CEPT1: variants seen among roughly 807,000 people sequenced by gnomAD.
The protein encoded by CEPT1 is choline/ethanolaminephosphotransferase 1.
Under a neutral mutation model 42.6 loss-of-function variants are expected in CEPT1, and 7 were observed. The observed-to-expected ratio is 0.16, with a 90% CI of 0.09 to 0.31. The LOEUF is 0.31. Among genes scored for constraint, CEPT1 ranks in the 10% least tolerant of loss-of-function variants. CEPT1 has a pLI of 1.00. For synonymous variants in CEPT1, 171 were observed against 171.9 expected, an observed-to-expected ratio of 0.99 and a Z score of 0.04; for missense variants, 306 against 502.1, an observed-to-expected ratio of 0.61 and a Z score of 3.73.
intron 4 of CEPT1, among the ~76,000 whole-genome samples, chr1:111,166,214 A>G (rs1291922205): frequency 6.6e-6 from 1 of 152,216 alleles, no homozygotes; most frequent in Non-Finnish European, 1.5e-5. Context: ...CCTAGATTGC[A>G]GTTTGGCCTC....
intron 2 of CEPT1, among the ~76,000 whole-genome samples, chr1:111,157,119 A>T (rs1366940747): frequency 6.6e-6 from 1 of 152,226 alleles, no homozygotes; most frequent in African/African-American, 2.4e-5. Context: ...AATGTGCACA[A>T]GGAAGAAGTA....
chr1:111,153,817 G>A (rs371053486), intron 2 of CEPT1, among the ~76,000 whole-genome samples: 1 of 152,038 alleles, frequency 6.6e-6, no homozygotes, highest in East Asian at 1.9e-4. Context: ...GGGTCTGTAT[G>A]TCTTTTTATA....
intron 2 of CEPT1, among the ~76,000 whole-genome samples, chr1:111,149,951 G>A (rs1306289250): frequency 1.3e-5 from 2 of 152,194 alleles, no homozygotes; most frequent in African/African-American, 4.8e-5. Context: ...AAGTGATTTG[G>A]AATGTATGAA....
At chr1:111,168,493 CTTT>C (rs1194436907) in intron 4 of CEPT1, among the ~76,000 whole-genome samples, 3 of 142,204 alleles carry the variant, frequency 2.1e-5, no homozygotes. Context: ...TTCTTTGGTT[CTTT>C]TTTTTTTTTT....
chr1:111,150,753 C>T (rs1046130856), intron 2 of CEPT1, among the ~76,000 whole-genome samples: 3 of 152,142 alleles, frequency 2.0e-5, no homozygotes, highest in African/African-American at 7.2e-5. Context: ...AAAAAGCAAT[C>T]CTCCTAGTAG....
chr1:111,167,590 A>C, intron 4 of CEPT1: 1 of 971,412 alleles, frequency 1.0e-6, no homozygotes, highest in Non-Finnish European at 1.2e-6. Context: ...ATTCTATATT[A>C]ATGTAGGAAA....
intron 1 of CEPT1, among the ~76,000 whole-genome samples, chr1:111,141,767 T>A (rs1557915856): frequency 1.3e-5 from 2 of 152,226 alleles, no homozygotes; most frequent in Admixed American, 6.5e-5. Flanking sequence ...GTATCACTTG[T>A]TAAATAATGC....
At chr1:111,152,426 A>C (rs1465892091) in intron 2 of CEPT1, among the ~76,000 whole-genome samples, 1 of 152,010 alleles carries the variant, frequency 6.6e-6, no homozygotes, top group Non-Finnish European at 1.5e-5. Flanking sequence ...CCTACCCCTC[A>C]CCCTAACCTC....
intron 2 of CEPT1, among the ~76,000 whole-genome samples, 188 bp downstream of exon 2, chr1:111,148,241 G>A (rs908391049): frequency 2.6e-5 from 4 of 152,122 alleles, no homozygotes; most frequent in Non-Finnish European, 1.5e-5. Flanking sequence ...AGAAGCAAAC[G>A]GTAGACTGTG....
chr1:111,147,295 T>G (rs1655019867), intron 1 of CEPT1, among the ~76,000 whole-genome samples: 1 of 152,240 alleles, frequency 6.6e-6, no homozygotes, highest in Non-Finnish European at 1.5e-5. Flanking sequence ...GACCTCAGTT[T>G]CCGTATATGT....
At chr1:111,148,761 C>A (rs528350310) in intron 2 of CEPT1, among the ~76,000 whole-genome samples, 10 of 152,186 alleles carry the variant, frequency 6.6e-5, no homozygotes, top group Non-Finnish European at 1.5e-4. Flanking sequence ...AGAATAGATA[C>A]ATTGATATTT....
chr1:111,145,283 C>T (rs970812319), intron 1 of CEPT1, among the ~76,000 whole-genome samples: 10 of 152,184 alleles, frequency 6.6e-5, no homozygotes, highest in Non-Finnish European at 1.0e-4. Flanking sequence ...CCCAAAGTGG[C>T]GTGAGCCACC....
At position 111,161,168 on chromosome 1, in the gene CEPT1, T is replaced by C; in HGVS notation, c.501T>C (p.Leu167=). Residue 167 remains leucine, a synonymous_variant, in exon 4 of 9, where the codon CTT becomes CTC. Coordinates refer to ENST00000357172, the MANE Select transcript of CEPT1 (RefSeq NM_006090.5). ...CDSLSTVFVV[L]GTCIAVQLGT... The stretch of plus-strand genomic sequence containing the variant: ...TTTCTTCTGCAGTTTTTGTGGTTCT[T>C]GGAACTTGTATTGCAGTGCAGCTGG... 6.2e-7 allele frequency: 1 copy of C among 1,614,118 alleles called. No individual in the cohort carries two copies. Among genetic ancestry groups the C allele is most frequent in the Non-Finnish European group, 8.5e-7 (1 of 1,179,968 alleles).
Position 111,147,813 on chromosome 1 carries a change from TA to T in CEPT1, c.102del (p.Lys34AsnfsTer15). The T allele has an allele frequency of 6.2e-7, 1 of 1,614,102 alleles. No homozygotes were observed. The highest frequency in any genetic ancestry group is 8.5e-7 in the Non-Finnish European group (1 of 1,180,012). On this transcript the variant is annotated frameshift_variant, in exon 2 of 9. Transcript: ENST00000357172. LOFTEE classifies it high-confidence loss of function. ...TGAGTACTACAGGATGTGTATTAAA[TA>T]AATTGTTTCAGTTACCAACACCACC... is the stretch of plus-strand genomic sequence containing the variant. The part of the protein sequence containing the change: ...HMSTTGCVLN[K>X]LFQLPTPPLS...
chr1:111,179,575 G>C (rs1460695433), intron 5 of CEPT1: 1 of 152,180 alleles, frequency 6.6e-6, no homozygotes, highest in African/African-American at 2.4e-5. Flanking sequence ...TAAGCGTGGG[G>C]TGAGAATGGC....
At chr1:111,156,053 C>T (rs1269975590) in intron 2 of CEPT1, among the ~76,000 whole-genome samples, 2 of 151,966 alleles carry the variant, frequency 1.3e-5, no homozygotes, top group African/African-American at 2.4e-5. Flanking sequence ...TTTATTCTTT[C>T]CTCTTAGTAC....
intron 1 of CEPT1, among the ~76,000 whole-genome samples, chr1:111,141,207 A>T (rs1654521930): frequency 6.6e-6 from 1 of 152,208 alleles, no homozygotes; most frequent in African/African-American, 2.4e-5. Flanking sequence ...TCCAGTCCGT[A>T]GATGTTGAGT....
intron 5 of CEPT1, 76 bp from the exon 6 acceptor site, chr1:111,182,111 A>G: frequency 1.4e-5 from 17 of 1,204,532 alleles, no homozygotes; most frequent in Non-Finnish European, 1.9e-5. Context: ...TTTTGGGAAT[A>G]TGAATCAAAT....
chr1:111,142,100 G>A (rs903988251), intron 1 of CEPT1, among the ~76,000 whole-genome samples: 3 of 151,974 alleles, frequency 2.0e-5, no homozygotes, highest in African/African-American at 7.3e-5. Context: ...CCATGCTAAA[G>A]TCCACACAGG....
Sources: allele counts gnomAD v4.1 joint callset (sites outside exome capture counted in the v4.1 genomes callset), GRCh38; gene constraint gnomAD v4.1.1; transcripts MANE v1.5; gene names NCBI Gene and HGNC (gene_info 2026-07-23, HGNC 2026-07-21).